The following ADGRF5 variants were observed in gnomAD, a reference collection of about 807,000 sequenced individuals.
The protein encoded by ADGRF5 is adhesion G protein-coupled receptor F5.
In ADGRF5, 75 loss-of-function variants were observed where a neutral mutation model predicts 132.3. The observed-to-expected ratio is 0.57, with a 90% CI of 0.47 to 0.69. The LOEUF is 0.69. ADGRF5 is among the 30% of genes least tolerant of loss of function. The probability of loss-of-function intolerance (pLI) is 0.00; values close to 1 mark genes in which losing one functional copy is unlikely to be tolerated. For synonymous variants in ADGRF5, 629 were observed against 597.6 expected (o/e 1.05, Z -0.77); for missense variants, 1,516 against 1,630.6 (o/e 0.93, Z 1.21).
chr6:46,897,446 T>A (rs1212557652), intron 3 of ADGRF5, among the ~76,000 whole-genome samples: 4 of 152,000 alleles, frequency 2.6e-5, no homozygotes, highest in Non-Finnish European at 5.9e-5. Flanking sequence ...AATCTGAAAA[T>A]CAGAGCCCAG....
At chr6:46,906,357 G>C (rs1272584821) in intron 2 of ADGRF5, among the ~76,000 whole-genome samples, 1 of 152,170 alleles carries the variant, frequency 6.6e-6, no homozygotes, top group Non-Finnish European at 1.5e-5. Flanking sequence ...CTTAGGCCTA[G>C]TGGTTGTAAT....
chr6:46,863,160 G>T, intron 14 of ADGRF5, 64 bp from the exon 15 acceptor site: 1 of 1,226,202 alleles, frequency 8.2e-7, no homozygotes, highest in Non-Finnish European at 1.2e-6. Context: ...TAGAAATACG[G>T]TCAGGCCAAG....
intron 3 of ADGRF5, among the ~76,000 whole-genome samples, chr6:46,897,079 TACAC>T (rs151074761): frequency 6.7e-6 from 1 of 148,880 alleles, no homozygotes; most frequent in Non-Finnish European, 1.5e-5. Flanking sequence ...GACAACAGTA[TACAC>T]ACACACACAC....
rs759100607 is a variant in ADGRF5, at chr6:46,939,447, G to A, written c.-25+15287C>T. Among the ~76,000 whole-genome samples, 3 of 152,142 alleles carry A rather than the reference G, an allele frequency of 2.0e-5. 1 individual carries two copies. The highest frequency in any genetic ancestry group is 4.4e-5 in the Non-Finnish European group (3 of 68,038). ...AGTAAATAAGTAGGTAAACAAATTA[G>A]TATATGTGACTTCAACTAAAATCTG... is the stretch of plus-strand genomic sequence containing the variant. On this transcript the variant is annotated intron_variant, in intron 1 of 20. Coordinates refer to the ADGRF5 transcript ENST00000265417.
chr6:46,888,316 C>A lies in ADGRF5; in HGVS notation c.328+19G>T. The A allele has an allele frequency of 6.4e-7, 1 of 1,552,116 alleles. No homozygotes were observed. The highest frequency in any genetic ancestry group is 8.9e-7 in the Non-Finnish European group (1 of 1,124,296). On this transcript the variant is annotated intron_variant, in intron 4 of 20. Coordinates refer to ENST00000283296, the MANE Select transcript of ADGRF5 (RefSeq NM_001098518.2). Reference sequence around the variant, plus strand: ...AGACATCCAATCATTTATTCTGAAGCAATGGGTCTCTTACTCACCTGTTGT... The same window carrying A: ...AGACATCCAATCATTTATTCTGAAGAAATGGGTCTCTTACTCACCTGTTGT...
chr6:46,892,058 T>C (rs1773697133), intron 3 of ADGRF5, among the ~76,000 whole-genome samples: 1 of 151,908 alleles, frequency 6.6e-6, no homozygotes, highest in Non-Finnish European at 1.5e-5. Context: ...AAAACACCAC[T>C]GTAATTTAGC....
chr6:46,926,565 G>A (rs147949757), upstream of ADGRF5, among the ~76,000 whole-genome samples: 4 of 152,160 alleles, frequency 2.6e-5, no homozygotes, highest in African/African-American at 4.8e-5. Flanking sequence ...ATCTATCCTC[G>A]GGGAGCGCTG....
At chr6:46,902,902 A>C (rs1007211600) in intron 2 of ADGRF5, among the ~76,000 whole-genome samples, 3 of 152,240 alleles carry the variant, frequency 2.0e-5, no homozygotes, top group African/African-American at 7.2e-5. Flanking sequence ...CTGCCAAGTC[A>C]CCGGACCTGA....
At chr6:46,865,690 T>A (rs1770334153) in intron 13 of ADGRF5, among the ~76,000 whole-genome samples, 1 of 152,252 alleles carries the variant, frequency 6.6e-6, no homozygotes, top group South Asian at 2.1e-4. Flanking sequence ...GTTGAAATGC[T>A]GCATATGTCA....
chr6:46,900,864 G>A (rs974128879), intron 2 of ADGRF5, among the ~76,000 whole-genome samples: 1 of 152,132 alleles, frequency 6.6e-6, no homozygotes, highest in African/African-American at 2.4e-5. Flanking sequence ...CTAAAAGTAA[G>A]GACTCTGCAG....
At chr6:46,897,614 G>A (rs988559780) in intron 3 of ADGRF5, among the ~76,000 whole-genome samples, 4 of 152,058 alleles carry the variant, frequency 2.6e-5, no homozygotes, top group African/African-American at 7.2e-5. Context: ...TCGCGCTGTC[G>A]CCCAGGCTGG....
intron 1 of ADGRF5, among the ~76,000 whole-genome samples, chr6:46,928,744 C>T (rs1218527284): frequency 2.0e-5 from 3 of 152,152 alleles, no homozygotes; most frequent in Non-Finnish European, 4.4e-5. Context: ...GACTAAAATG[C>T]TCACCATCAC....
At chr6:46,917,049 A>T (rs1776478156) in intron 1 of ADGRF5, among the ~76,000 whole-genome samples, 1 of 152,246 alleles carries the variant, frequency 6.6e-6, no homozygotes, top group South Asian at 2.1e-4. Flanking sequence ...ATAATTTATC[A>T]AGCACTTGCT....
chr6:46,867,870 A>G (rs983430303), intron 12 of ADGRF5, among the ~76,000 whole-genome samples: 10 of 152,232 alleles, frequency 6.6e-5, no homozygotes, highest in Admixed American at 2.6e-4. Context: ...TGACTTTTCA[A>G]TAACTGATTA....
chr6:46,876,344 CT>C (rs1318419202), intron 10 of ADGRF5, among the ~76,000 whole-genome samples: 1 of 152,198 alleles, frequency 6.6e-6, no homozygotes, highest in Non-Finnish European at 1.5e-5. Context: ...GGTTTTTCAC[CT>C]TTCGGGGTTG....
Position 46,945,479 on chromosome 6 carries a change from TA to T in ADGRF5, c.-25+9254del, listed in dbSNP as rs200931022. 6.1e-3 allele frequency among the ~76,000 whole-genome samples: 922 copies of T among 152,304 alleles called. 35 individuals carry two copies. Among genetic ancestry groups the T allele is most frequent in the Admixed American group, 0.052 (800 of 15,304 alleles). On this transcript the variant is annotated intron_variant, in intron 1 of 20. Transcript: ENST00000265417. Reference sequence around the variant, plus strand: ...AAACCTAATGTGCCAGGTACTGTGCTAGGGGCGAGGAGTAAAAAGATGAATA... The same window carrying T: ...AAACCTAATGTGCCAGGTACTGTGCTGGGGCGAGGAGTAAAAAGATGAATA...
chr6:46,875,670 G>A lies in ADGRF5; in HGVS notation c.1240+2532C>T, dbSNP rs186241663. 3.8e-3 allele frequency among the ~76,000 whole-genome samples: 580 copies of A among 152,178 alleles called. 5 individuals carry two copies. The highest frequency in any genetic ancestry group is 0.024 in the Middle Eastern group (7 of 292). The stretch of plus-strand genomic sequence containing the variant: ...CAGGCACCTATAATCCCAGCTACTC[G>A]GGAGGCTGAGGCAGGAGAATCCCTT... On this transcript the variant is annotated intron_variant, in intron 10 of 20. Transcript: ENST00000283296.
chr6:46,953,579 T>C (rs1234878), intron 1 of ADGRF5, among the ~76,000 whole-genome samples: 95,849 of 145,022 alleles, frequency 0.66, 32,201 homozygotes, highest in East Asian at 0.86. Context: ...ATTGCACCAC[T>C]GTACTCCAGG....
intron 1 of ADGRF5, among the ~76,000 whole-genome samples, chr6:46,916,960 C>A (rs1285831786): frequency 6.6e-6 from 1 of 152,228 alleles, no homozygotes; most frequent in African/African-American, 2.4e-5. Flanking sequence ...TTCTTGGTAA[C>A]TGAAATGCTC....
Sources: gnomAD v4.1 joint callset for allele counts (sites outside exome capture counted in the v4.1 genomes callset) on GRCh38, gnomAD v4.1.1 for gene constraint, MANE v1.5 for transcripts, NCBI Gene and HGNC (gene_info 2026-07-23, HGNC 2026-07-21) for gene names.